Variants in LOC128462377 observed in about 807,000 individuals in gnomAD.
At chr16:89,363,591 C>T in the LOC128462377 span, among the ~76,000 whole-genome samples, 2 of 152,202 alleles carry the variant, frequency 1.3e-5, no homozygotes, top group African/African-American at 4.8e-5. Context: ...ACCACCAAAA[C>T]TTTCTTTGCA....
the LOC128462377 span, chr16:89,361,697 T>G: frequency 6.6e-6 from 1 of 152,130 alleles, no homozygotes; most frequent in Admixed American, 6.5e-5. Context: ...CACCAATCAG[T>G]AGAAGATCAC....
the LOC128462377 span, among the ~76,000 whole-genome samples, chr16:89,355,225 G>T: frequency 6.6e-6 from 1 of 151,552 alleles, no homozygotes; most frequent in Non-Finnish European, 1.5e-5. Flanking sequence ...GAGGGCTCAC[G>T]GAGGGAGGGC....
chr16:89,340,413 T>C, the LOC128462377 span, among the ~76,000 whole-genome samples: 1 of 152,236 alleles, frequency 6.6e-6, no homozygotes, highest in South Asian at 2.1e-4. Context: ...TAGCTGAGAT[T>C]ACAGGCATGC....
the LOC128462377 span, among the ~76,000 whole-genome samples, chr16:89,350,170 G>A: frequency 1.4e-3 from 211 of 152,302 alleles, 1 homozygote; most frequent in Non-Finnish European, 2.6e-3. Context: ...AAATGGAAAA[G>A]ATGGACTACA....
At chr16:89,375,544 C>T in the LOC128462377 span, among the ~76,000 whole-genome samples, 1 of 152,010 alleles carries the variant, frequency 6.6e-6, no homozygotes, top group African/African-American at 2.4e-5. Flanking sequence ...GCTGCAACCT[C>T]TGCCTCCCAG....
At chr16:89,330,553 G>A in the LOC128462377 span, among the ~76,000 whole-genome samples, 3 of 151,800 alleles carry the variant, frequency 2.0e-5, no homozygotes, top group East Asian at 5.8e-4. Flanking sequence ...CATTGATGGG[G>A]TGGTGTGGGG....
the LOC128462377 span, among the ~76,000 whole-genome samples, chr16:89,391,727 G>T: frequency 1.3e-5 from 2 of 152,186 alleles, no homozygotes; most frequent in African/African-American, 2.4e-5. Flanking sequence ...AAGCACACTT[G>T]TAAGAAGTAA....
At chr16:89,330,927 T>A in the LOC128462377 span, among the ~76,000 whole-genome samples, 119 of 152,310 alleles carry the variant, frequency 7.8e-4, 1 homozygote, top group African/African-American at 2.8e-3. Flanking sequence ...GGACAAAAAT[T>A]AAAATTTTGA....
the LOC128462377 span, among the ~76,000 whole-genome samples, chr16:89,344,152 A>G: frequency 1.3e-5 from 2 of 152,208 alleles, no homozygotes; most frequent in East Asian, 3.9e-4. Flanking sequence ...CTCTGGGAGG[A>G]GCACACACGG....
At chr16:89,399,514 C>T in the LOC128462377 span, among the ~76,000 whole-genome samples, 3 of 152,060 alleles carry the variant, frequency 2.0e-5, no homozygotes, top group African/African-American at 7.2e-5. Flanking sequence ...GAGGGAGGGA[C>T]GGAGGGATGT....
chr16:89,361,792 A>C, the LOC128462377 span: 1 of 152,268 alleles, frequency 6.6e-6, no homozygotes, highest in African/African-American at 2.4e-5. Flanking sequence ...GTACAAAGTA[A>C]AAAGATTTAA....
the LOC128462377 span, among the ~76,000 whole-genome samples, chr16:89,343,280 A>AC: frequency 6.6e-6 from 1 of 152,238 alleles, no homozygotes; most frequent in African/African-American, 2.4e-5. Flanking sequence ...GGTGTGAGCC[A>AC]CCGCACTGGG....
chr16:89,356,156 T>A, the LOC128462377 span, among the ~76,000 whole-genome samples: 5 of 152,246 alleles, frequency 3.3e-5, no homozygotes, highest in African/African-American at 9.6e-5. Context: ...ACACAAGTAT[T>A]TTTTAATTCT....
At chr16:89,370,934 G>A in the LOC128462377 span, among the ~76,000 whole-genome samples, 1 of 152,040 alleles carries the variant, frequency 6.6e-6, no homozygotes, top group Non-Finnish European at 1.5e-5. Context: ...GCCACGAGAC[G>A]CCCAAGAACC....
At chr16:89,333,926 C>A in the LOC128462377 span, among the ~76,000 whole-genome samples, 1 of 152,070 alleles carries the variant, frequency 6.6e-6, no homozygotes, top group Non-Finnish European at 1.5e-5. Context: ...TTTCTCACCA[C>A]TGGAAGCAGT....
the LOC128462377 span, among the ~76,000 whole-genome samples, chr16:89,359,472 C>A: frequency 6.6e-6 from 1 of 152,338 alleles, no homozygotes; most frequent in Non-Finnish European, 1.5e-5. Flanking sequence ...AGCCCCTCGG[C>A]CCCCACTGCT....
chr16:89,353,700 G>C, the LOC128462377 span, among the ~76,000 whole-genome samples: 2 of 152,120 alleles, frequency 1.3e-5, no homozygotes, highest in African/African-American at 4.8e-5. Flanking sequence ...GGCTGGTTTC[G>C]AACTCCTGAC....
chr16:89,349,134 TA>T, the LOC128462377 span, among the ~76,000 whole-genome samples: 404 of 16,512 alleles, frequency 0.024, 8 homozygotes, highest in African/African-American at 0.11. Flanking sequence ...TCTCAAAAAG[TA>T]AAAAAAAAAA....
chr16:89,389,369 T>C, the LOC128462377 span, among the ~76,000 whole-genome samples: 7 of 151,704 alleles, frequency 4.6e-5, no homozygotes, highest in Non-Finnish European at 8.8e-5. Context: ...ATAAAAAGTA[T>C]ATTGAAAAAA....
Sources: gnomAD v4.1 joint callset for allele counts (sites outside exome capture counted in the v4.1 genomes callset) on GRCh38, gnomAD v4.1.1 for gene constraint, MANE v1.5 for transcripts.